ARHGEF7: variants seen among roughly 807,000 people sequenced by gnomAD.
The protein encoded by ARHGEF7 is PAK-interacting exchange factor beta.
ARHGEF7 carries 33 observed loss-of-function variants against 109.8 expected under a neutral mutation model. The observed-to-expected ratio is 0.30, with a 90% CI of 0.23 to 0.40. ARHGEF7 has a LOEUF of 0.40. Ranked by LOEUF, ARHGEF7 falls within the 10% of genes least tolerant of loss-of-function variation. The probability of loss-of-function intolerance (pLI) is 1.00; values close to 1 mark genes in which losing one functional copy is unlikely to be tolerated. For missense variants in ARHGEF7, 938 were observed against 1,098.5 expected (o/e 0.85, Z 2.07); for synonymous variants, 458 against 424.6 (o/e 1.08, Z -0.97).
intron 8 of ARHGEF7, among the ~76,000 whole-genome samples, chr13:111,245,094 TGGA>T (rs2088562696): frequency 6.6e-6 from 1 of 152,184 alleles, no homozygotes; most frequent in Admixed American, 6.5e-5. Flanking sequence ...GGCGCTGTTG[TGGA>T]GAAGAATTGG....
At chr13:111,215,738 C>T (rs2083049095) in intron 4 of ARHGEF7, among the ~76,000 whole-genome samples, 3 of 152,306 alleles carry the variant, frequency 2.0e-5, no homozygotes, top group South Asian at 4.1e-4. Context: ...ATTAATTTTT[C>T]TCTTCTCTTC....
chr13:111,115,750 A>C, intron 1 of ARHGEF7, 59 bp downstream of exon 1: 1 of 1,005,884 alleles, frequency 9.9e-7, no homozygotes, highest in Non-Finnish European at 1.2e-6. Flanking sequence ...GCGGCCCGGG[A>C]TGCGCGCGGA....
intron 2 of ARHGEF7, among the ~76,000 whole-genome samples, chr13:111,201,622 G>T (rs1252489178): frequency 2.6e-5 from 4 of 152,178 alleles, no homozygotes; most frequent in Non-Finnish European, 5.9e-5. Context: ...GATTTGGTGT[G>T]CCCTTTTCTT....
intron 4 of ARHGEF7, among the ~76,000 whole-genome samples, chr13:111,215,052 AT>A (rs2082949737): frequency 6.6e-6 from 1 of 151,672 alleles, no homozygotes; most frequent in South Asian, 2.1e-4. Flanking sequence ...GCCACTTTTA[AT>A]TTTTTTCCAC....
chr13:111,273,836 G>A lies in ARHGEF7; in HGVS notation c.1096G>A (p.Glu366Lys). The change falls in exon 10 of 22, where the codon GAG becomes AAG. Residue 366 changes from glutamate (E) to lysine (K), a missense_variant. By Grantham distance (56) the Glu-to-Lys change is moderately conservative. Transcript: ENST00000646102. This position sits in a 1 kb window ranked among gnomAD's most constrained non-coding sequence, Gnocchi z 4.5. ...EHSEELGEFMETKGASSPGIL... is the reference protein window; with the variant it reads ...EHSEELGEFMKTKGASSPGIL... ...CAGTGAGGAGTTGGGGGAGTTCATG[G>A]AGACCAAAGGTGCCAGCAGCCCTGG... 2 of 1,614,194 alleles carry A rather than the reference G, an allele frequency of 1.2e-6. No individual in the cohort carries two copies. Among genetic ancestry groups the A allele is most frequent in the Non-Finnish European group, 1.7e-6 (2 of 1,180,032 alleles).
intron 1 of ARHGEF7, among the ~76,000 whole-genome samples, chr13:111,127,590 C>T (rs2067654044): frequency 2.2e-5 from 3 of 137,422 alleles, no homozygotes; most frequent in South Asian, 4.8e-4. Context: ...GAGGCTGCAG[C>T]GAGCCGTGAT....
chr13:111,300,651 A>G (rs946762882), intron 19 of ARHGEF7, 97 bp from the exon 20 acceptor site: 2 of 824,428 alleles, frequency 2.4e-6, no homozygotes, highest in South Asian at 1.9e-5. Flanking sequence ...AATTGCTAGA[A>G]CTTAATATTT....
intron 5 of ARHGEF7, among the ~76,000 whole-genome samples, chr13:111,221,542 G>GATATATATCTATATATATCTATATATAA (rs1437044381): frequency 1.8e-5 from 1 of 55,348 alleles, no homozygotes; most frequent in Non-Finnish European, 3.3e-5. Flanking sequence ...TCTATATATA[G>GATATATATCTATATATATCTATATATAA]ATACATATCT....
At chr13:111,143,778 G>A (rs1406517633) in intron 1 of ARHGEF7, 2 of 152,204 alleles carry the variant, frequency 1.3e-5, no homozygotes, top group South Asian at 4.1e-4. Flanking sequence ...GCTTCCTGGG[G>A]ATCTGCATCG....
At chr13:111,298,827 G>T (rs1358509597) in intron 19 of ARHGEF7, among the ~76,000 whole-genome samples, 2 of 152,230 alleles carry the variant, frequency 1.3e-5, no homozygotes, top group Non-Finnish European at 2.9e-5. Context: ...CAGCATGAGG[G>T]GGAGGGAGGG....
At chr13:111,241,348 C>A (rs1251633135) in intron 6 of ARHGEF7, 1 of 1,535,938 alleles carries the variant, frequency 6.5e-7, no homozygotes, top group South Asian at 1.2e-5. Context: ...TAAGTGGCAC[C>A]CCCGGCTGCG....
chr13:111,222,102 A>G (rs1333745600), intron 5 of ARHGEF7, among the ~76,000 whole-genome samples: 5 of 152,062 alleles, frequency 3.3e-5, no homozygotes, highest in Non-Finnish European at 7.4e-5. Context: ...ACGGACTCAA[A>G]TGTGAATCTC....
intron 2 of ARHGEF7, among the ~76,000 whole-genome samples, chr13:111,157,548 C>T (rs1232882926): frequency 4.7e-5 from 7 of 150,518 alleles, no homozygotes; most frequent in African/African-American, 1.7e-4. Context: ...GCCTGGACAA[C>T]AGAGCAAAAC....
In ARHGEF7 at chr13:111,172,109, C is replaced by T. The variant is rs551399258; in HGVS notation, c.252+18118C>T. On this transcript the variant is annotated intron_variant, in intron 2 of 21. Coordinates refer to ENST00000646102, the MANE Select transcript of ARHGEF7 (RefSeq NM_001354046.2). ...CAGTACACGGTACCCTGAGAAAACA[C>T]GTTCGTAATCTTGACGAGGGGCTGG... 2.6e-5 allele frequency among the ~76,000 whole-genome samples: 4 copies of T among 152,274 alleles called. No individual in the cohort carries two copies. The South Asian group carries it at 8.3e-4, about 32-fold the overall frequency.
rs1217402753 is a variant in ARHGEF7, at chr13:111,247,463, G to T, written c.950+3169G>T. 3.9e-5 allele frequency among the ~76,000 whole-genome samples: 6 copies of T among 152,056 alleles called. 1 individual carries two copies. The highest frequency in any genetic ancestry group is 3.9e-4 in the Admixed American group (6 of 15,292). ...TTTATGTATTTTTAGTAGAGACGGGGTTTCACCATGTTGGTCAGGCTGGTC... is the reference window on the plus strand; with the variant it reads ...TTTATGTATTTTTAGTAGAGACGGGTTTTCACCATGTTGGTCAGGCTGGTC... On this transcript the variant is annotated intron_variant, in intron 8 of 21. Coordinates refer to ENST00000646102, the MANE Select transcript of ARHGEF7 (RefSeq NM_001354046.2).
At chr13:111,296,296 T>G (rs1210162404) in intron 19 of ARHGEF7, among the ~76,000 whole-genome samples, 1 of 152,222 alleles carries the variant, frequency 6.6e-6, no homozygotes, top group Non-Finnish European at 1.5e-5. Flanking sequence ...ATGTTAAGTT[T>G]TGTGCTCATG....
At chr13:111,280,771 C>A in intron 15 of ARHGEF7, 94 bp downstream of exon 15, 3 of 1,346,272 alleles carry the variant, frequency 2.2e-6, no homozygotes, top group South Asian at 1.6e-5. Flanking sequence ...AAAACCTAAT[C>A]AATATTTGGA....
chr13:111,280,288 C>G lies in ARHGEF7; in HGVS notation c.1523C>G (p.Thr508Arg), dbSNP rs759121132. 6.2e-7 allele frequency: 1 copy of G among 1,609,106 alleles called. No individual in the cohort carries two copies. Among genetic ancestry groups the G allele is most frequent in the South Asian group, 1.1e-5 (1 of 90,354 alleles). The change falls in exon 14 of 22, where the codon ACA becomes AGA. Residue 508 changes from threonine (T) to arginine (R), a missense_variant. This residue lies in a region of ARHGEF7 where 585 missense variants were observed against 723.6 expected (regional missense o/e 0.81). Coordinates refer to ENST00000646102, the MANE Select transcript of ARHGEF7 (RefSeq NM_001354046.2). ...GFIYQGKLPTTGMTITKLEDS... is the reference protein window; with the variant it reads ...GFIYQGKLPTRGMTITKLEDS... ...CTTTTTTAGGGAAAGCTTCCAACGA[C>G]AGGAATGACAATCACAAAGCTTGAG...
At chr13:111,300,224 T>C (rs756996281) in intron 19 of ARHGEF7, among the ~76,000 whole-genome samples, 5 of 152,214 alleles carry the variant, frequency 3.3e-5, no homozygotes, top group East Asian at 1.9e-4. Context: ...TTAGGAAATA[T>C]AAAGTTTTCA....
Sources: gnomAD v4.1 joint callset for allele counts (sites outside exome capture counted in the v4.1 genomes callset) on GRCh38, gnomAD v4.1.1 for gene constraint, gnomAD v4.1.1 regional missense constraint, Gnocchi (gnomAD v3.1) non-coding constraint, MANE v1.5 for transcripts, NCBI Gene and HGNC (gene_info 2026-07-23, HGNC 2026-07-21) for gene names.